The following AGBL4 variants were observed in gnomAD, a reference collection of about 807,000 sequenced individuals.
AGBL4 encodes cytosolic carboxypeptidase 6.
Under a neutral mutation model 66.4 loss-of-function variants are expected in AGBL4, and 58 were observed. That is an observed-to-expected ratio of 0.87 (90% CI 0.71 to 1.09). The LOEUF is 1.09. Ranked by LOEUF, AGBL4 falls within the 50% of genes least tolerant of loss-of-function variation. The pLI is 0.00. For synonymous variants in AGBL4, 234 were observed against 222.9 expected (o/e 1.05, Z -0.44); for missense variants, 579 against 631.0 (o/e 0.92, Z 0.88).
At chr1:49,793,149 C>G (rs1644644331) in intron 2 of AGBL4, among the ~76,000 whole-genome samples, 1 of 152,006 alleles carries the variant, frequency 6.6e-6, no homozygotes, top group Non-Finnish European at 1.5e-5. Context: ...ATCTCCCACA[C>G]AAAAATATCA....
At chr1:48,935,958 G>GGA (rs1655420887) in intron 5 of AGBL4, among the ~76,000 whole-genome samples, 1 of 24,584 alleles carries the variant, frequency 4.1e-5, no homozygotes, top group Non-Finnish European at 8.5e-5. Flanking sequence ...GACTCTGTCT[G>GGA]AAAAAAAAAA....
chr1:49,382,565 G>A (rs1316025982), intron 3 of AGBL4, among the ~76,000 whole-genome samples: 1 of 151,958 alleles, frequency 6.6e-6, no homozygotes, highest in Admixed American at 6.6e-5. Context: ...ATTCTCAATA[G>A]TGAAAGCCTG....
intron 4 of AGBL4, among the ~76,000 whole-genome samples, chr1:49,200,890 T>TG (rs1284829861): frequency 3.9e-5 from 6 of 152,110 alleles, no homozygotes; most frequent in African/African-American, 1.4e-4. Context: ...CCCTGGAGGT[T>TG]GGGGGGTGGG....
chr1:49,071,259 T>A (rs1644599086), intron 4 of AGBL4, among the ~76,000 whole-genome samples: 1 of 151,946 alleles, frequency 6.6e-6, no homozygotes, highest in South Asian at 2.1e-4. Context: ...TCTGTTCTGA[T>A]CTTAGTTATT....
intron 1 of AGBL4, chr1:49,865,953 A>G: frequency 5.0e-6 from 2 of 401,652 alleles, no homozygotes; most frequent in South Asian, 1.9e-5. Context: ...ATGAGAATAT[A>G]ATTTTGCAAC....
intron 3 of AGBL4, among the ~76,000 whole-genome samples, chr1:49,354,721 G>C (rs1643983712): frequency 6.6e-6 from 1 of 152,138 alleles, no homozygotes; most frequent in South Asian, 2.1e-4. Flanking sequence ...ATATAAATAA[G>C]AGTTAAATTC....
At chr1:49,756,284 C>T (rs1385340857) in intron 2 of AGBL4, among the ~76,000 whole-genome samples, 3 of 150,554 alleles carry the variant, frequency 2.0e-5, no homozygotes, top group South Asian at 2.1e-4. Context: ...TCTCTGTGAA[C>T]CAAAAGTTAA....
At chr1:48,666,233 C>A (rs994638391) in intron 6 of AGBL4, among the ~76,000 whole-genome samples, 1 of 152,028 alleles carries the variant, frequency 6.6e-6, no homozygotes, top group East Asian at 1.9e-4. Flanking sequence ...TACCCCACCC[C>A]CTCCTGTCAC....
intron 1 of AGBL4, among the ~76,000 whole-genome samples, chr1:49,901,030 T>C (rs1157407137): frequency 6.6e-6 from 1 of 152,226 alleles, no homozygotes; most frequent in Non-Finnish European, 1.5e-5. Flanking sequence ...AAAGCAATCT[T>C]TCTTTTAACA....
intron 3 of AGBL4, among the ~76,000 whole-genome samples, chr1:49,381,953 A>G (rs551604437): frequency 1.1e-4 from 17 of 152,056 alleles, no homozygotes; most frequent in African/African-American, 3.1e-4. Context: ...ATATGTAACT[A>G]ACCTGCACAT....
chr1:49,909,601 A>G (rs1282254646), intron 1 of AGBL4, among the ~76,000 whole-genome samples: 2 of 152,224 alleles, frequency 1.3e-5, no homozygotes, highest in African/African-American at 4.8e-5. Flanking sequence ...GTAGGGGATC[A>G]TGAAGGACCT....
At chr1:49,836,722 CT>C (rs1309897989) in intron 2 of AGBL4, among the ~76,000 whole-genome samples, 5 of 152,030 alleles carry the variant, frequency 3.3e-5, no homozygotes, top group African/African-American at 1.2e-4. Context: ...ATTTATATAC[CT>C]TTGGTCTTTG....
intron 3 of AGBL4, among the ~76,000 whole-genome samples, chr1:49,520,170 C>T (rs1461266220): frequency 1.3e-5 from 2 of 152,000 alleles, no homozygotes; most frequent in Non-Finnish European, 2.9e-5. Context: ...TGATTACCTG[C>T]TCATTGCTCC....
chr1:48,563,905 C>T (rs1459602129), intron 11 of AGBL4, among the ~76,000 whole-genome samples: 1 of 152,208 alleles, frequency 6.6e-6, no homozygotes. Flanking sequence ...CCTTCTCACA[C>T]TGACAACTGG....
intron 9 of AGBL4, among the ~76,000 whole-genome samples, chr1:48,612,866 G>T (rs1490549641): frequency 2.6e-5 from 4 of 152,136 alleles, no homozygotes; most frequent in African/African-American, 9.7e-5. Flanking sequence ...AGGCACGATG[G>T]CTCACGCCTG....
chr1:49,243,036 C>T (rs1033077198), intron 4 of AGBL4, among the ~76,000 whole-genome samples: 16 of 142,800 alleles, frequency 1.1e-4, no homozygotes, highest in African/African-American at 1.8e-4. Context: ...TATATATATA[C>T]ACACACATAC....
chr1:48,546,561 G>A (rs1193541997), intron 11 of AGBL4, among the ~76,000 whole-genome samples: 11 of 152,208 alleles, frequency 7.2e-5, no homozygotes, highest in African/African-American at 1.7e-4. Context: ...GTAGCTAACC[G>A]CGTAGAGTGG....
chr1:49,774,000 G>A (rs1644133081), intron 2 of AGBL4, among the ~76,000 whole-genome samples: 1 of 152,196 alleles, frequency 6.6e-6, no homozygotes, highest in African/African-American at 2.4e-5. Context: ...TGGCACGTAA[G>A]CGGTAGAATG....
chr1:49,934,853 C>G (rs544178345), intron 1 of AGBL4, among the ~76,000 whole-genome samples: 56 of 151,618 alleles, frequency 3.7e-4, no homozygotes, highest in Non-Finnish European at 5.7e-4. Flanking sequence ...GAGAGGGCAG[C>G]CAAGATGGCC....
Sources: allele counts gnomAD v4.1 joint callset (sites outside exome capture counted in the v4.1 genomes callset), GRCh38; gene constraint gnomAD v4.1.1; transcripts MANE v1.5; gene names NCBI Gene and HGNC (gene_info 2026-07-23, HGNC 2026-07-21).